Variants in BIRC6 observed in about 807,000 individuals in gnomAD.
BIRC6 encodes the protein dual E2 ubiquitin-conjugating enzyme/E3 ubiquitin-protein ligase BIRC6.
Under a neutral mutation model 503.3 loss-of-function variants are expected in BIRC6, and 98 were observed. The observed-to-expected ratio is 0.19, with a 90% CI of 0.17 to 0.23. The LOEUF is 0.23. Among genes scored for constraint, BIRC6 ranks in the 10% least tolerant of loss-of-function variants. BIRC6 has a pLI of 1.00. For synonymous variants in BIRC6, 2,240 were observed against 2,078.7 expected (o/e 1.08, Z -2.11); for missense variants, 5,360 against 5,806.0 (o/e 0.92, Z 2.50).
intron 23 of BIRC6, 35 bp from the exon 24 acceptor site, chr2:32,463,159 T>C (rs773057969): frequency 6.5e-7 from 1 of 1,538,540 alleles, no homozygotes; most frequent in East Asian, 2.3e-5. Context: ...TCCTGGTGTT[T>C]TTTGTTTTTG....
intron 1 of BIRC6, among the ~76,000 whole-genome samples, chr2:32,369,926 T>TTA (rs1160547460): frequency 2.6e-5 from 1 of 37,794 alleles, no homozygotes; most frequent in Non-Finnish European, 4.4e-5. Context: ...CCCTGTCTCT[T>TTA]AAAAAAAAAA....
chr2:32,406,370 G>A (rs750459170), intron 8 of BIRC6, 129 bp from the exon 9 acceptor site: 2 of 649,144 alleles, frequency 3.1e-6, no homozygotes, highest in Non-Finnish European at 5.4e-6. Context: ...CTGTACTCCA[G>A]CCTGGATGAC....
intron 66 of BIRC6, among the ~76,000 whole-genome samples, chr2:32,578,645 A>G (rs2060428785): frequency 6.6e-6 from 1 of 151,946 alleles, no homozygotes; most frequent in Non-Finnish European, 1.5e-5. Context: ...AAATACAAAA[A>G]TTCAGCTGGG....
chr2:32,401,899 C>T (rs2040637006), intron 8 of BIRC6, among the ~76,000 whole-genome samples: 1 of 152,150 alleles, frequency 6.6e-6, no homozygotes, highest in Non-Finnish European at 1.5e-5. Context: ...GAAAAGTCAA[C>T]ATTGGAAAGT....
At chr2:32,520,875 T>G (rs1253162641) in intron 57 of BIRC6, among the ~76,000 whole-genome samples, 2 of 152,120 alleles carry the variant, frequency 1.3e-5, no homozygotes, top group African/African-American at 4.8e-5. Flanking sequence ...TGAAGCTCAG[T>G]TATTGATATT....
chr2:32,472,724 A>T (rs970739981), intron 32 of BIRC6, among the ~76,000 whole-genome samples: 1 of 152,196 alleles, frequency 6.6e-6, no homozygotes, highest in Non-Finnish European at 1.5e-5. Flanking sequence ...TAGTTAAATT[A>T]TTGAGTATCC....
rs749039352 is a variant in BIRC6 at position 32,509,928 on chromosome 2, A to G, written c.10171A>G (p.Arg3391Gly). ...VLVKIGLQST[R>G]IGLKLIDILL... ...TGTAAAGATAGGACTGCAGTCTACT[A>G]GAATTGGCCTGAAGCTCATAGACAT... Residue 3391 changes from arginine to glycine, a missense_variant, in exon 52 of 74, where the codon AGA (arginine) becomes GGA (glycine). Coordinates refer to ENST00000421745, the MANE Select transcript of BIRC6 (RefSeq NM_016252.4). 1 of 1,614,046 alleles carries G rather than the reference A, an allele frequency of 6.2e-7. No homozygotes were observed. Among genetic ancestry groups the G allele is most frequent in the Middle Eastern group, 1.6e-4 (1 of 6,062 alleles).
chr2:32,613,025 C>T (rs539286708), intron 73 of BIRC6, among the ~76,000 whole-genome samples: 48 of 152,228 alleles, frequency 3.2e-4, no homozygotes, highest in Admixed American at 1.1e-3. Context: ...CAGTTCTCAA[C>T]GCCAGTGACC....
At chr2:32,586,152 A>C (rs2061005059) in intron 66 of BIRC6, among the ~76,000 whole-genome samples, 1 of 152,022 alleles carries the variant, frequency 6.6e-6, no homozygotes, top group Non-Finnish European at 1.5e-5. Flanking sequence ...GATCATTAGG[A>C]TTCACGCTTG....
In BIRC6 at chr2:32,436,101, G is replaced by A. The variant is rs745854621; in HGVS notation, c.3548G>A (p.Cys1183Tyr). The change falls in exon 15 of 74, where the codon TGT becomes TAT. Residue 1183 changes from cysteine to tyrosine, a missense_variant. Physicochemically the swap from Cys to Tyr is radical, Grantham distance 194 (BLOSUM62 -2). This residue lies in a region of BIRC6 where 2,299 missense variants were observed against 2,267.2 expected (regional missense o/e 1.01). Transcript: ENST00000421745. The part of the protein sequence containing the change: ...FLEDHKEDIL[C>Y]GPVWLASGLD... Reference sequence around the variant, plus strand: ...GAGGATCATAAAGAAGACATTCTATGTGGGCCAGTATGGCTTGCTAGTGGC... The same window carrying A: ...GAGGATCATAAAGAAGACATTCTATATGGGCCAGTATGGCTTGCTAGTGGC... 1 of 1,487,264 alleles carries A rather than the reference G, an allele frequency of 6.7e-7. No individual in the cohort carries two copies. The highest frequency in any genetic ancestry group is 2.0e-5 in the Admixed American group (1 of 49,328). 92.1% of individuals were successfully genotyped at this position (1,487,264 alleles called of 1,614,324 possible).
chr2:32,540,421 T>C (rs1448234775), intron 61 of BIRC6, among the ~76,000 whole-genome samples: 1 of 152,040 alleles, frequency 6.6e-6, no homozygotes, highest in Non-Finnish European at 1.5e-5. Flanking sequence ...TTTTAGACAT[T>C]ATTCAAAGTG....
At chr2:32,484,611 T>C (rs925733109) in intron 39 of BIRC6, among the ~76,000 whole-genome samples, 5 of 152,004 alleles carry the variant, frequency 3.3e-5, no homozygotes, top group African/African-American at 1.2e-4. Flanking sequence ...ATTCGTTCAG[T>C]TTTGAACGGA....
chr2:32,526,909 T>G (rs983664223), intron 59 of BIRC6: 1 of 152,312 alleles, frequency 6.6e-6, no homozygotes, highest in African/African-American at 2.4e-5. Context: ...GAGAAGTTCA[T>G]TGATAAATTT....
chr2:32,617,963 A>AC lies in BIRC6; in HGVS notation c.*59_*60insC. On this transcript the variant is annotated 3_prime_UTR_variant, in exon 74 of 74. Transcript: ENST00000421745. Reference sequence around the variant, plus strand: ...CTTCGAAGCACAAGCCAAATATGTCAATATTTGTATGTAAGAAACTAATTA... The same window carrying AC: ...CTTCGAAGCACAAGCCAAATATGTCACATATTTGTATGTAAGAAACTAATTA... 3 of 1,466,552 alleles carry AC rather than the reference A, an allele frequency of 2.0e-6. No individual in the cohort carries two copies. The highest frequency in any genetic ancestry group is 2.8e-6 in the Non-Finnish European group (3 of 1,074,480). 90.8% of individuals were successfully genotyped at this position (1,466,552 alleles called of 1,614,324 possible). A position where few individuals can be genotyped will look rare whatever the true frequency, so the allele number is the denominator to read the frequency against.
chr2:32,458,044 AT>A (rs1175954396), intron 23 of BIRC6, among the ~76,000 whole-genome samples: 10 of 152,308 alleles, frequency 6.6e-5, no homozygotes, highest in African/African-American at 2.4e-4. Context: ...ACAATATAAT[AT>A]AGAATTCTAT....
intron 4 of BIRC6, among the ~76,000 whole-genome samples, chr2:32,389,501 G>A (rs1464469663): frequency 1.1e-4 from 16 of 151,986 alleles, no homozygotes; most frequent in Non-Finnish European, 2.9e-5. Flanking sequence ...ATTTTCTTTG[G>A]TAGAGGTTTT....
At chr2:32,510,923 T>A (rs1040940457) in intron 53 of BIRC6, among the ~76,000 whole-genome samples, 1 of 152,196 alleles carries the variant, frequency 6.6e-6, no homozygotes, top group Non-Finnish European at 1.5e-5. Context: ...GTTGGCTACG[T>A]GTGAAAGGAA....
chr2:32,437,469 C>G (rs947313563), intron 15 of BIRC6, among the ~76,000 whole-genome samples: 1 of 152,180 alleles, frequency 6.6e-6, no homozygotes, highest in Non-Finnish European at 1.5e-5. Flanking sequence ...TATATATCAG[C>G]TATTTACATT....
intron 11 of BIRC6, among the ~76,000 whole-genome samples, chr2:32,429,510 A>C (rs977507963): frequency 6.6e-6 from 1 of 152,150 alleles, no homozygotes; most frequent in African/African-American, 2.4e-5. Flanking sequence ...AAAATCATAT[A>C]AAAGAGAATT....
Sources: gnomAD v4.1 joint callset for allele counts (sites outside exome capture counted in the v4.1 genomes callset) on GRCh38, gnomAD v4.1.1 for gene constraint, gnomAD v4.1.1 regional missense constraint, MANE v1.5 for transcripts, NCBI Gene and HGNC (gene_info 2026-07-23, HGNC 2026-07-21) for gene names.